The following EDIL3 variants were observed in gnomAD, a reference collection of about 807,000 sequenced individuals.
EDIL3 encodes the protein EGF like and discoidin domains 3.
Under a neutral mutation model 67.4 loss-of-function variants are expected in EDIL3, and 37 were observed. The ratio of observed to expected loss-of-function variants is 0.55; its 90% CI spans 0.42 to 0.72. The LOEUF is 0.72. Among genes scored for constraint, EDIL3 ranks in the 30% least tolerant of loss-of-function variants. The pLI is 0.00. For synonymous variants in EDIL3, 195 were observed against 196.3 expected, an observed-to-expected ratio of 0.99 and a Z score of 0.05; for missense variants, 527 against 586.3, an observed-to-expected ratio of 0.90 and a Z score of 1.04.
At chr5:84,049,547 T>G (rs1389000416) in intron 9 of EDIL3, among the ~76,000 whole-genome samples, 1 of 152,202 alleles carries the variant, frequency 6.6e-6, no homozygotes, top group African/African-American at 2.4e-5. Context: ...TTACTTTATT[T>G]TTATAACAAA....
At chr5:84,180,827 T>C (rs1428615223) in intron 3 of EDIL3, among the ~76,000 whole-genome samples, 1 of 152,192 alleles carries the variant, frequency 6.6e-6, no homozygotes, top group Non-Finnish European at 1.5e-5. Context: ...AGTTCATACA[T>C]ATAAAATACC....
intron 9 of EDIL3, among the ~76,000 whole-genome samples, chr5:84,006,726 A>G (rs78976552): frequency 0.026 from 3,960 of 152,314 alleles, 85 homozygotes; most frequent in South Asian, 0.048. Flanking sequence ...AACCTAAAAT[A>G]AAAGTTAAAA....
chr5:84,160,841 T>G (rs1400287602), intron 4 of EDIL3, among the ~76,000 whole-genome samples: 1 of 142,248 alleles, frequency 7.0e-6, no homozygotes, highest in South Asian at 2.2e-4. Context: ...CCTTTCCTTT[T>G]CCTTTCCTTT....
At chr5:84,132,370 AT>A (rs1747990109) in intron 5 of EDIL3, among the ~76,000 whole-genome samples, 1 of 13,640 alleles carries the variant, frequency 7.3e-5, no homozygotes, top group African/African-American at 2.3e-4. Context: ...TATATTATAT[AT>A]ATTATATATA....
intron 1 of EDIL3, among the ~76,000 whole-genome samples, chr5:84,297,948 G>A (rs1746084944): frequency 6.6e-6 from 1 of 152,072 alleles, no homozygotes; most frequent in Non-Finnish European, 1.5e-5. Context: ...GTGCATCAGG[G>A]TAGCCTTCCA....
At chr5:84,338,590 T>C (rs528473804) in intron 1 of EDIL3, among the ~76,000 whole-genome samples, 127 of 152,252 alleles carry the variant, frequency 8.3e-4, no homozygotes, top group Middle Eastern at 3.4e-3. Context: ...AACTAGGAAC[T>C]AACATGCTGT....
chr5:83,963,196 C>T lies in EDIL3; in HGVS notation c.1293+9G>A, dbSNP rs1744633676. The T allele has an allele frequency of 1.3e-6, 2 of 1,582,110 alleles. No homozygotes were observed. Among genetic ancestry groups the T allele is most frequent in the Non-Finnish European group, 1.7e-6 (2 of 1,166,702 alleles). On this transcript the variant is annotated intron_variant, in intron 10 of 10. Transcript: ENST00000296591. ...TTCTGAACTTTATAAACCGATTTGGCTGACTTACCTTATCTTTTCTTTGCT... is the reference window on the plus strand; with the variant it reads ...TTCTGAACTTTATAAACCGATTTGGTTGACTTACCTTATCTTTTCTTTGCT...
intron 3 of EDIL3, 109 bp downstream of exon 3, chr5:84,229,746 T>G: frequency 8.8e-7 from 1 of 1,130,320 alleles, no homozygotes. Context: ...AACAAACCTG[T>G]GCCAATTTTC....
intron 3 of EDIL3, 131 bp downstream of exon 3, chr5:84,229,724 A>C: frequency 1.1e-6 from 1 of 907,104 alleles, no homozygotes; most frequent in Non-Finnish European, 1.7e-6. Context: ...CAAATATAAA[A>C]GTAAATAAAT....
At chr5:84,088,076 C>T (rs189397042) in intron 6 of EDIL3, among the ~76,000 whole-genome samples, 56 of 152,160 alleles carry the variant, frequency 3.7e-4, no homozygotes, top group Admixed American at 3.4e-3. Context: ...CTGAAATGTC[C>T]ACAGAATGAA....
At chr5:83,993,133 A>G (rs1277972233) in intron 9 of EDIL3, among the ~76,000 whole-genome samples, 1 of 152,180 alleles carries the variant, frequency 6.6e-6, no homozygotes, top group East Asian at 1.9e-4. Flanking sequence ...AATAAACTGC[A>G]CTTTAAACAA....
intron 3 of EDIL3, among the ~76,000 whole-genome samples, chr5:84,181,630 C>A (rs547657008): frequency 6.6e-6 from 1 of 152,244 alleles, no homozygotes; most frequent in Non-Finnish European, 1.5e-5. Context: ...ACATTCCCCC[C>A]AAAAATCTTT....
At chr5:84,004,074 C>A (rs1745375289) in intron 9 of EDIL3, among the ~76,000 whole-genome samples, 1 of 150,702 alleles carries the variant, frequency 6.6e-6, no homozygotes, top group African/African-American at 2.4e-5. Context: ...TCAAAAAGGA[C>A]AAAGAAGTAC....
rs938021520 is a variant in EDIL3 at position 84,307,745 on chromosome 5, T to G, written c.68-53533A>C. Among the ~76,000 whole-genome samples the G allele has an allele frequency of 3.9e-5, 6 of 151,912 alleles. No homozygotes were observed. The East Asian group carries it at 1.2e-3, about 30-fold the overall frequency. On this transcript the variant is annotated intron_variant, in intron 1 of 10. Coordinates refer to ENST00000296591, the MANE Select transcript of EDIL3 (RefSeq NM_005711.5). ...TTAGCTGCAGCCTGTACAAGAGAGATATAAAAAATACAGGAGGAGAAATGA... is the reference window on the plus strand; with the variant it reads ...TTAGCTGCAGCCTGTACAAGAGAGAGATAAAAAATACAGGAGGAGAAATGA...
chr5:83,989,146 G>A (rs1184324011), intron 9 of EDIL3, among the ~76,000 whole-genome samples: 1 of 152,158 alleles, frequency 6.6e-6, no homozygotes, highest in Non-Finnish European at 1.5e-5. Flanking sequence ...CCTCAGAAAT[G>A]TAAACTCTGG....
At chr5:84,131,177 T>C (rs894582150) in intron 5 of EDIL3, among the ~76,000 whole-genome samples, 1 of 152,146 alleles carries the variant, frequency 6.6e-6, no homozygotes, top group African/African-American at 2.4e-5. Flanking sequence ...GTTATTGACC[T>C]AGGTGTTTTA....
intron 1 of EDIL3, among the ~76,000 whole-genome samples, chr5:84,364,624 T>C (rs1250029334): frequency 6.6e-6 from 1 of 152,130 alleles, no homozygotes; most frequent in Non-Finnish European, 1.5e-5. Flanking sequence ...ATCTGCACAT[T>C]ACAATTGTTC....
chr5:84,288,783 G>A (rs936762872), intron 1 of EDIL3, among the ~76,000 whole-genome samples: 1 of 151,978 alleles, frequency 6.6e-6, no homozygotes, highest in African/African-American at 2.4e-5. Context: ...TAGGAACACT[G>A]ATCACCAAAT....
intron 6 of EDIL3, among the ~76,000 whole-genome samples, chr5:84,082,118 T>C (rs1451986646): frequency 6.6e-6 from 1 of 152,276 alleles, no homozygotes. Flanking sequence ...CTGATTTTTC[T>C]TAATCCAGTA....
Sources: gnomAD v4.1 joint callset for allele counts (sites outside exome capture counted in the v4.1 genomes callset) on GRCh38, gnomAD v4.1.1 for gene constraint, MANE v1.5 for transcripts, NCBI Gene and HGNC (gene_info 2026-07-23, HGNC 2026-07-21) for gene names.